Variants in NREP observed in about 807,000 individuals in gnomAD.
NREP encodes neuronal regeneration related protein.
A neutral mutation model predicts 8.6 loss-of-function variants in NREP; 5 were observed. That is an observed-to-expected ratio of 0.58 (90% CI 0.30 to 1.22). NREP has a LOEUF of 1.22. Among genes scored for constraint, NREP ranks in the 50% most tolerant of loss-of-function variants. The probability of loss-of-function intolerance (pLI) is 0.07; values close to 1 mark genes in which losing one functional copy is unlikely to be tolerated. For missense variants in NREP, 86 were observed against 82.5 expected (o/e 1.04, Z -0.17); for synonymous variants, 27 against 28.0 (o/e 0.96, Z 0.11).
intron 2 of NREP, among the ~76,000 whole-genome samples, chr5:111,895,459 A>G (rs1038828314): frequency 2.6e-5 from 4 of 152,042 alleles, no homozygotes; most frequent in Admixed American, 2.0e-4. Flanking sequence ...AGTGCCATGG[A>G]AAAAAAATTA....
rs952706619 is a variant in NREP, at chr5:111,730,229, A to C, written c.*692T>G. On this transcript the variant is annotated 3_prime_UTR_variant, in exon 4 of 4. Coordinates refer to ENST00000257435, the MANE Select transcript of NREP (RefSeq NM_004772.4). The stretch of plus-strand genomic sequence containing the variant: ...GGAAGAAAGCCACACTGAAGACACA[A>C]GGAAAACAAGTCAATCCAGTCTAGA... 1.3e-5 allele frequency: 2 copies of C among 152,600 alleles called. No homozygotes were observed. Among genetic ancestry groups the C allele is most frequent in the Non-Finnish European group, 2.9e-5 (2 of 68,040 alleles). 9.5% of individuals were successfully genotyped at this position (152,600 alleles called of 1,614,324 possible). A position where few individuals can be genotyped will look rare whatever the true frequency, so the allele number is the denominator to read the frequency against.
chr5:111,969,750 G>A (rs938539562), intron 2 of NREP, among the ~76,000 whole-genome samples: 1 of 152,126 alleles, frequency 6.6e-6, no homozygotes, highest in African/African-American at 2.4e-5. Context: ...ACTGTAGGTT[G>A]GACTTAAGTC....
intron 2 of NREP, among the ~76,000 whole-genome samples, chr5:111,955,186 T>G (rs1023527117): frequency 6.6e-6 from 1 of 152,166 alleles, no homozygotes; most frequent in Admixed American, 6.6e-5. Flanking sequence ...GAGCCAGCTC[T>G]CAGAGTTTCC....
intron 2 of NREP, among the ~76,000 whole-genome samples, chr5:111,964,233 CT>C: frequency 6.6e-6 from 1 of 152,258 alleles, no homozygotes; most frequent in South Asian, 2.1e-4. Flanking sequence ...TATCTGACAT[CT>C]TTCATTTAAC....
At chr5:111,848,737 A>G (rs6882628) in intron 2 of NREP, among the ~76,000 whole-genome samples, 22,531 of 151,626 alleles carry the variant, frequency 0.15, 3,283 homozygotes, top group African/African-American at 0.37. Flanking sequence ...ATCCAACGAT[A>G]TTTCAGTGCG....
chr5:111,840,409 C>T (rs982659660), intron 2 of NREP, among the ~76,000 whole-genome samples: 5 of 152,054 alleles, frequency 3.3e-5, no homozygotes, highest in Admixed American at 2.0e-4. Context: ...AGCCATTATG[C>T]GACCAGGAAG....
intron 2 of NREP, among the ~76,000 whole-genome samples, chr5:111,900,973 C>T (rs1561718048): frequency 6.6e-6 from 1 of 152,074 alleles, no homozygotes; most frequent in Non-Finnish European, 1.5e-5. Flanking sequence ...AACTGCATGC[C>T]AGTATTCCTG....
rs565246708 is a variant in NREP at position 111,882,483 on chromosome 5, A to C, written c.135+92791T>G. Reference sequence around the variant, plus strand: ...TGGATGCAGGAAATACAGAGAACGCAACAAAGATACTCCTCAAGAAGAGCA... The same window carrying C: ...TGGATGCAGGAAATACAGAGAACGCCACAAAGATACTCCTCAAGAAGAGCA... On this transcript the variant is annotated intron_variant, in intron 2 of 3. Coordinates refer to the NREP transcript ENST00000395634. Among the ~76,000 whole-genome samples the C allele has an allele frequency of 6.6e-5, 10 of 152,264 alleles. No homozygotes were observed. In the South Asian group the frequency reaches 1.2e-3, roughly 19 times the overall value.
chr5:111,877,976 A>G (rs1039440305), intron 2 of NREP, among the ~76,000 whole-genome samples: 1 of 152,170 alleles, frequency 6.6e-6, no homozygotes, highest in African/African-American at 2.4e-5. Context: ...CACCACAATC[A>G]CTTCATTGAT....
At chr5:111,885,826 A>T (rs1191030159) in intron 2 of NREP, among the ~76,000 whole-genome samples, 1 of 152,224 alleles carries the variant, frequency 6.6e-6, no homozygotes, top group Non-Finnish European at 1.5e-5. Context: ...TTAATTCAAG[A>T]TGAATTAAAG....
At chr5:111,946,186 G>C (rs1755978221) in intron 2 of NREP, among the ~76,000 whole-genome samples, 1 of 151,392 alleles carries the variant, frequency 6.6e-6, no homozygotes, top group South Asian at 2.1e-4. Flanking sequence ...CCATTGGTGA[G>C]ATTTTGTCAA....
intron 2 of NREP, among the ~76,000 whole-genome samples, chr5:111,849,638 T>G (rs1438527806): frequency 2.0e-5 from 3 of 152,106 alleles, no homozygotes; most frequent in Non-Finnish European, 4.4e-5. Flanking sequence ...ATTTTTTGAA[T>G]TATTATCTTA....
chr5:111,919,156 C>A (rs1235175462), intron 2 of NREP, among the ~76,000 whole-genome samples: 1 of 152,044 alleles, frequency 6.6e-6, no homozygotes, highest in Non-Finnish European at 1.5e-5. Context: ...TAGAGAAATG[C>A]AAATCAAAAC....
intron 2 of NREP, among the ~76,000 whole-genome samples, chr5:111,825,859 A>G (rs1169396704): frequency 1.3e-5 from 2 of 152,044 alleles, no homozygotes; most frequent in Admixed American, 6.6e-5. Flanking sequence ...TTTAATATTC[A>G]GGTCTCCCTC....
intron 2 of NREP, among the ~76,000 whole-genome samples, chr5:111,856,274 G>T (rs1387259306): frequency 6.6e-6 from 1 of 152,170 alleles, no homozygotes; most frequent in Non-Finnish European, 1.5e-5. Context: ...TGCCTAGAAA[G>T]GTTAATGGAC....
chr5:111,800,986 G>GA (rs529253189), intron 2 of NREP, among the ~76,000 whole-genome samples: 20 of 149,036 alleles, frequency 1.3e-4, no homozygotes, highest in Admixed American at 4.0e-4. Flanking sequence ...TTAGCCAAAG[G>GA]AAAAAAAAAA....
intron 2 of NREP, among the ~76,000 whole-genome samples, chr5:111,749,699 G>A (rs1310909031): frequency 6.6e-6 from 1 of 152,178 alleles, no homozygotes; most frequent in Non-Finnish European, 1.5e-5. Flanking sequence ...CCTCACAGGA[G>A]GGAAGCATGA....
intron 2 of NREP, among the ~76,000 whole-genome samples, chr5:111,905,948 T>C (rs1049345507): frequency 6.6e-5 from 10 of 152,058 alleles, no homozygotes; most frequent in Non-Finnish European, 1.5e-4. Flanking sequence ...ATATTGGTTT[T>C]TGAAGTGGTA....
intron 2 of NREP, among the ~76,000 whole-genome samples, chr5:111,894,750 C>T (rs1027500226): frequency 7.9e-5 from 12 of 152,166 alleles, no homozygotes; most frequent in Non-Finnish European, 1.3e-4. Context: ...TGCACAACAG[C>T]CGACAGCCCT....
Sources: allele counts gnomAD v4.1 joint callset (sites outside exome capture counted in the v4.1 genomes callset), GRCh38; gene constraint gnomAD v4.1.1; transcripts MANE v1.5; gene names NCBI Gene and HGNC (gene_info 2026-07-23, HGNC 2026-07-21).